Variants in DYSF observed in about 807,000 individuals in gnomAD.
DYSF encodes dystrophy-associated fer-1-like 1.
Under a neutral mutation model 274.9 loss-of-function variants are expected in DYSF, and 212 were observed. The observed-to-expected ratio is 0.77, with a 90% CI of 0.69 to 0.86. The LOEUF is 0.86. Among genes scored for constraint, DYSF ranks in the 40% least tolerant of loss-of-function variants. The pLI, the probability that DYSF is intolerant of heterozygous loss-of-function variation, is 0.00. For missense variants in DYSF, 2,666 were observed against 2,783.2 expected (o/e 0.96, Z 0.95); for synonymous variants, 1,091 against 1,078.7 (o/e 1.01, Z -0.22).
intron 1 of DYSF, among the ~76,000 whole-genome samples, chr2:71,470,744 C>CTTTCCTTA (rs2081964672): frequency 1.2e-5 from 1 of 85,014 alleles, no homozygotes; most frequent in Non-Finnish European, 2.3e-5. Flanking sequence ...TTCTTTCCTT[C>CTTTCCTTA]CTTCCTTCCT....
At chr2:71,601,566 T>G in intron 35 of DYSF, 38 bp downstream of exon 35, 2 of 1,613,744 alleles carry the variant, frequency 1.2e-6, no homozygotes, top group Non-Finnish European at 1.7e-6. Context: ...TCAAACTGAT[T>G]GCCAGTCTCC....
intron 3 of DYSF, among the ~76,000 whole-genome samples, chr2:71,497,083 C>T (rs2152706131): frequency 1.3e-5 from 2 of 152,314 alleles, no homozygotes; most frequent in South Asian, 4.1e-4. Context: ...CCCCACAGGA[C>T]TAGTGTCCTA....
chr2:71,673,074 G>C (rs1489553368), intron 51 of DYSF, among the ~76,000 whole-genome samples: 1 of 152,204 alleles, frequency 6.6e-6, no homozygotes, highest in African/African-American at 2.4e-5. Flanking sequence ...CAGGCATTTG[G>C]TGGAGCTTTT....
At position 71,589,665 on chromosome 2, in the gene DYSF, A is replaced by C; in HGVS notation, c.3475A>C (p.Thr1159Pro). Reference protein sequence around the residue: ...STLSFGVNRPTISCIFDYGNR... With the variant: ...STLSFGVNRPPISCIFDYGNR... ...CTTGAGCTTCGGTGTGAACAGACCC[A>C]CGATTTCCTGCATATTCGACTGTAA... The change falls in exon 31 of 56, where the codon ACG becomes CCG. Residue 1159 changes from threonine to proline, a missense_variant. By Grantham distance (38) the Thr-to-Pro change is conservative (BLOSUM62 -1). Around this residue, in one of 3 missense-constraint regions of DYSF, gnomAD observed 1,460 missense variants for 1,502.1 expected, o/e 0.97. Coordinates refer to ENST00000410020, the MANE Select transcript of DYSF (RefSeq NM_001130987.2). The C allele has an allele frequency of 6.2e-7, 1 of 1,614,128 alleles. No homozygotes were observed. Among genetic ancestry groups the C allele is most frequent in the South Asian group, 1.1e-5 (1 of 91,084 alleles).
chr2:71,525,548 G>T (rs566429144), intron 12 of DYSF, among the ~76,000 whole-genome samples: 1 of 152,094 alleles, frequency 6.6e-6, no homozygotes, highest in Admixed American at 6.6e-5. Context: ...CTAATGTGCC[G>T]CCAAGTTTGA....
rs972101929 is a variant in DYSF at position 71,659,048 on chromosome 2, G to A, written c.4911+15G>A. ...CCAATGGAAAGGTAACTTTCCTAGA[G>A]CCCTCACCTCCCCCAGAGTAGCAGG... On this transcript the variant is annotated intron_variant, in intron 44 of 55. Coordinates refer to ENST00000410020, the MANE Select transcript of DYSF (RefSeq NM_001130987.2). 5 of 1,613,958 alleles carry A rather than the reference G, an allele frequency of 3.1e-6. No individual in the cohort carries two copies. The African/African-American group carries it at 6.7e-5, about 22-fold the overall frequency.
intron 45 of DYSF, among the ~76,000 whole-genome samples, chr2:71,663,912 C>T (rs114488020): frequency 0.012 from 1,786 of 152,288 alleles, 22 homozygotes; most frequent in South Asian, 0.058. Context: ...CGGTAAATTC[C>T]AAAGCTCTGG....
In DYSF at chr2:71,515,673, G is replaced by A. The variant is rs780249573; in HGVS notation, c.810G>A (p.Lys270=). Residue 270 remains lysine (K), a synonymous_variant, in exon 8 of 56, where the codon AAG becomes AAA. Transcript: ENST00000410020. ...EGRQLPGVNI[K]PVVKVTAAGQ... ...GCCAGCTGCCGGGGGTGAACATCAAGCCTGTGGTCAAGGTTACCGCTGCAG... is the reference window on the plus strand; with the variant it reads ...GCCAGCTGCCGGGGGTGAACATCAAACCTGTGGTCAAGGTTACCGCTGCAG... The A allele has an allele frequency of 6.2e-7, 1 of 1,614,018 alleles. No individual in the cohort carries two copies. Among genetic ancestry groups the A allele is most frequent in the South Asian group, 1.1e-5 (1 of 91,074 alleles).
chr2:71,526,418 T>TGGGGGGGGGGGGGGTTTG, intron 13 of DYSF, 72 bp downstream of exon 13: 1 of 261,506 alleles, frequency 3.8e-6, no homozygotes, highest in Non-Finnish European at 7.0e-6. Flanking sequence ...GGGTGGGCGA[T>TGGGGGGGGGGGGGGTTTG]GGCGGGCGGG....
At chr2:71,610,295 AT>A (rs2093726801) in intron 36 of DYSF, among the ~76,000 whole-genome samples, 2 of 152,342 alleles carry the variant, frequency 1.3e-5, no homozygotes, top group African/African-American at 4.8e-5. Context: ...TTATACAGGT[AT>A]TAACTTCCTC....
chr2:71,600,905 C>T, intron 34 of DYSF, 63 bp downstream of exon 34: 1 of 1,597,294 alleles, frequency 6.3e-7, no homozygotes, highest in Non-Finnish European at 8.5e-7. Context: ...GGCCAACCCT[C>T]TGTGGGAGCC....
At chr2:71,480,829 G>C in intron 1 of DYSF, 54 bp from the exon 2 acceptor site, 2 of 1,532,268 alleles carry the variant, frequency 1.3e-6, no homozygotes, top group Non-Finnish European at 9.0e-7. Context: ...CTAACTCAGC[G>C]GAAGGTGAAA....
At chr2:71,481,060 GTGGT>G in intron 2 of DYSF, 122 bp downstream of exon 2, 5 of 1,001,776 alleles carry the variant, frequency 5.0e-6, no homozygotes, top group Non-Finnish European at 7.8e-6. Flanking sequence ...GGAGGGGCTG[GTGGT>G]CCAGCCTGCC....
At chr2:71,596,295 A>G (rs2093407456) in intron 32 of DYSF, among the ~76,000 whole-genome samples, 1 of 152,192 alleles carries the variant, frequency 6.6e-6, no homozygotes, top group South Asian at 2.1e-4. Flanking sequence ...TGCTGCCAAC[A>G]CCAATACAGC....
intron 1 of DYSF, among the ~76,000 whole-genome samples, chr2:71,460,259 C>T (rs1031076825): frequency 9.2e-5 from 14 of 152,186 alleles, no homozygotes; most frequent in African/African-American, 3.4e-4. Flanking sequence ...ACGCCTCTGT[C>T]TATATTCCAG....
chr2:71,616,708 G>A (rs143982829), intron 40 of DYSF, among the ~76,000 whole-genome samples: 84 of 152,172 alleles, frequency 5.5e-4, no homozygotes, highest in East Asian at 2.7e-3. Context: ...AAAATGATAC[G>A]TGTTCATTAT....
At chr2:71,629,619 A>T (rs1464871817) in intron 41 of DYSF, among the ~76,000 whole-genome samples, 3 of 152,216 alleles carry the variant, frequency 2.0e-5, no homozygotes, top group African/African-American at 7.2e-5. Flanking sequence ...CTTAAAACTA[A>T]ATGTTCAGTG....
intron 32 of DYSF, among the ~76,000 whole-genome samples, chr2:71,593,318 A>G (rs1033713886): frequency 2.0e-5 from 3 of 151,816 alleles, no homozygotes; most frequent in Non-Finnish European, 2.9e-5. Context: ...ATTAGTAGAG[A>G]TGAGATTTCC....
At chr2:71,473,808 A>G (rs1449500910) in intron 1 of DYSF, among the ~76,000 whole-genome samples, 5 of 151,964 alleles carry the variant, frequency 3.3e-5, no homozygotes, top group African/African-American at 1.2e-4. Flanking sequence ...AGTTATCACC[A>G]TCTCCAGAAC....
Sources: gnomAD v4.1 joint callset for allele counts (sites outside exome capture counted in the v4.1 genomes callset) on GRCh38, gnomAD v4.1.1 for gene constraint, gnomAD v4.1.1 regional missense constraint, MANE v1.5 for transcripts, NCBI Gene and HGNC (gene_info 2026-07-23, HGNC 2026-07-21) for gene names.